Variants in ANKFN1 observed in about 807,000 individuals in gnomAD.
ANKFN1 encodes the protein ankyrin repeat and fibronectin type III domain containing 1.
ANKFN1 carries 74 observed loss-of-function variants against 108.7 expected under a neutral mutation model. That is an observed-to-expected ratio of 0.68 (90% confidence interval 0.56 to 0.83). ANKFN1 has a LOEUF of 0.83. ANKFN1 is among the 40% of genes least tolerant of loss of function. The pLI is 0.00. For synonymous variants in ANKFN1, 547 were observed against 516.2 expected, an observed-to-expected ratio of 1.06 and a Z score of -0.81; for missense variants, 1,505 against 1,382.3, an observed-to-expected ratio of 1.09 and a Z score of -1.41.
At chr17:56,407,931 CTTT>C (rs761975892) in intron 8 of ANKFN1, among the ~76,000 whole-genome samples, 2 of 104,644 alleles carry the variant, frequency 1.9e-5, no homozygotes, top group African/African-American at 3.4e-5. Flanking sequence ...TCTTTTTTAT[CTTT>C]TTTTTTTTTT....
rs117621035 is a variant in ANKFN1, at chr17:56,064,818, C to T, written c.288+18493C>T. ...GCTGAGAGGATGTTGAGACTCTGTGCGGCTCCAGGGTTGGGATGCTAGGCC... is the reference window on the plus strand; with the variant it reads ...GCTGAGAGGATGTTGAGACTCTGTGTGGCTCCAGGGTTGGGATGCTAGGCC... On this transcript the variant is annotated intron_variant, in intron 4 of 12. Transcript: ENST00000635860. Among the ~76,000 whole-genome samples the T allele has an allele frequency of 1.0e-2, 1,520 of 152,288 alleles. 9 individuals carry two copies. The highest frequency in any genetic ancestry group is 0.017 in the Non-Finnish European group (1,153 of 68,024).
chr17:56,464,812 A>G (rs1258575065), intron 14 of ANKFN1, among the ~76,000 whole-genome samples: 1 of 152,236 alleles, frequency 6.6e-6, no homozygotes. Flanking sequence ...TCTTACTTTT[A>G]GATGATGATA....
intron 4 of ANKFN1, among the ~76,000 whole-genome samples, chr17:56,062,156 T>A (rs1380965950): frequency 6.6e-6 from 1 of 152,212 alleles, no homozygotes; most frequent in African/African-American, 2.4e-5. Flanking sequence ...TCCAATTATG[T>A]GGTCCATTTT....
chr17:56,097,386 C>T (rs1905555402), intron 4 of ANKFN1, among the ~76,000 whole-genome samples: 2 of 152,164 alleles, frequency 1.3e-5, no homozygotes, highest in South Asian at 4.1e-4. Context: ...TCCAACTTGC[C>T]TTCCTCTTAC....
chr17:56,087,075 C>G (rs1905328922), intron 4 of ANKFN1, among the ~76,000 whole-genome samples: 1 of 151,368 alleles, frequency 6.6e-6, no homozygotes, highest in Admixed American at 6.6e-5. Flanking sequence ...GCCACTACTA[C>G]TACTGAGGAG....
intron 8 of ANKFN1, among the ~76,000 whole-genome samples, chr17:56,393,882 T>C (rs150680534): frequency 5.9e-5 from 9 of 152,312 alleles, no homozygotes; most frequent in African/African-American, 2.2e-4. Flanking sequence ...GTGGAGTTCC[T>C]AGCCAAGCAG....
In ANKFN1 at chr17:56,087,614, G is replaced by C. The variant is rs1416582118; in HGVS notation, c.288+41289G>C. ...GTTCCCATTGACCCACTTGTTCATT[G>C]CAATTTTTGTTGGAACACCCCTCCC... is the stretch of plus-strand genomic sequence containing the variant. On this transcript the variant is annotated intron_variant, in intron 4 of 12. Transcript: ENST00000635860. Among the ~76,000 whole-genome samples, 4 of 151,210 alleles carry C rather than the reference G, an allele frequency of 2.6e-5. 1 individual carries two copies. Among genetic ancestry groups the C allele is most frequent in the Non-Finnish European group, 5.9e-5 (4 of 67,688 alleles).
chr17:56,102,075 C>T (rs183580134), intron 4 of ANKFN1, among the ~76,000 whole-genome samples: 1 of 152,324 alleles, frequency 6.6e-6, no homozygotes, highest in African/African-American at 2.4e-5. Flanking sequence ...TGGAAACCCA[C>T]CTCCAACGCT....
At chr17:56,167,990 G>A (rs1352729643) in intron 1 of ANKFN1, among the ~76,000 whole-genome samples, 1 of 152,158 alleles carries the variant, frequency 6.6e-6, no homozygotes, top group Non-Finnish European at 1.5e-5. Context: ...TGAATAGGCA[G>A]GCGTGGTGGC....
chr17:56,141,002 C>G (rs758528354), intron 4 of ANKFN1, among the ~76,000 whole-genome samples: 2 of 152,162 alleles, frequency 1.3e-5, no homozygotes, highest in East Asian at 3.9e-4. Flanking sequence ...CCTACTGGAG[C>G]TATGCACGTA....
intron 8 of ANKFN1, among the ~76,000 whole-genome samples, chr17:56,419,255 G>A (rs1329443879): frequency 6.6e-6 from 1 of 152,128 alleles, no homozygotes; most frequent in Non-Finnish European, 1.5e-5. Context: ...GCCGAGGCGG[G>A]CAGATCACCT....
intron 3 of ANKFN1, among the ~76,000 whole-genome samples, chr17:56,324,914 A>C (rs4793810): frequency 0.49 from 75,081 of 152,112 alleles, 19,503 homozygotes; most frequent in East Asian, 0.94. Flanking sequence ...TCCAGAACAG[A>C]CACCTGTTGG....
intron 4 of ANKFN1, among the ~76,000 whole-genome samples, chr17:56,124,445 C>T (rs1428569750): frequency 6.6e-6 from 1 of 152,168 alleles, no homozygotes; most frequent in Non-Finnish European, 1.5e-5. Flanking sequence ...TGGTGGCATA[C>T]AAACGTGGTC....
chr17:56,488,192 CAATT>C (rs1290482079), intron 18 of ANKFN1, among the ~76,000 whole-genome samples: 2 of 152,248 alleles, frequency 1.3e-5, no homozygotes, highest in South Asian at 4.2e-4. Flanking sequence ...TATCATGAGA[CAATT>C]AAACAATTAA....
At chr17:56,302,339 A>G (rs1220476371) in intron 3 of ANKFN1, among the ~76,000 whole-genome samples, 2 of 152,112 alleles carry the variant, frequency 1.3e-5, no homozygotes, top group East Asian at 1.9e-4. Context: ...AGTCTGGGCA[A>G]CATAGCACGA....
chr17:56,270,874 C>A (rs182444258), intron 3 of ANKFN1, among the ~76,000 whole-genome samples: 1 of 152,294 alleles, frequency 6.6e-6, no homozygotes, highest in East Asian at 1.9e-4. Context: ...TCTTCAGATA[C>A]TCCTCTTCCC....
chr17:56,087,712 A>T (rs939515800), intron 4 of ANKFN1, among the ~76,000 whole-genome samples: 1 of 151,390 alleles, frequency 6.6e-6, no homozygotes, highest in African/African-American at 2.4e-5. Flanking sequence ...AAGCACAGCC[A>T]CTGATCAAGA....
At chr17:56,422,213 C>T (rs8077890) in intron 8 of ANKFN1, among the ~76,000 whole-genome samples, 4,407 of 152,276 alleles carry the variant, frequency 0.029, 180 homozygotes, top group African/African-American at 0.099. Flanking sequence ...CTGCACCTTG[C>T]TAACGCATGG....
At chr17:56,077,002 G>A (rs1408280907) in intron 4 of ANKFN1, among the ~76,000 whole-genome samples, 3 of 152,052 alleles carry the variant, frequency 2.0e-5, no homozygotes, top group Admixed American at 6.6e-5. Flanking sequence ...TATTCTTATG[G>A]TATCTATTTT....
Sources: gnomAD v4.1 joint callset for allele counts (sites outside exome capture counted in the v4.1 genomes callset) on GRCh38, gnomAD v4.1.1 for gene constraint, MANE v1.5 for transcripts, NCBI Gene and HGNC (gene_info 2026-07-23, HGNC 2026-07-21) for gene names.